CEMIP2: variants seen among roughly 807,000 people sequenced by gnomAD.
CEMIP2 encodes cell surface hyaluronidase CEMIP2.
In CEMIP2, 79 loss-of-function variants were observed where a neutral mutation model predicts 146.9. The ratio of observed to expected loss-of-function variants is 0.54; its 90% CI spans 0.45 to 0.65. The LOEUF is 0.65. Ranked by LOEUF, CEMIP2 falls within the 30% of genes least tolerant of loss-of-function variation. The pLI is 0.00. For missense variants in CEMIP2, 1,596 were observed against 1,696.2 expected (o/e 0.94, Z 1.04); for synonymous variants, 601 against 606.3 (o/e 0.99, Z 0.13).
intron 21 of CEMIP2, among the ~76,000 whole-genome samples, chr9:71,692,659 A>G (rs1174188959): frequency 1.3e-5 from 2 of 152,164 alleles, no homozygotes; most frequent in African/African-American, 4.8e-5. Context: ...CTGTAATCCC[A>G]GCACTTTGGA....
chr9:71,685,395 T>TAAAAAAAAAAAAAAAAAA lies in CEMIP2; in HGVS notation c.3956-20_3956-3dup. ...TGAATCCCAAAAATATGGTACTCCC[T>TAAAAAAAAAAAAAAAAAA]AAAAAAAAAAAAAAAAAAGAAAAAG... On this transcript the variant is annotated splice_region_variant and splice_polypyrimidine_tract_variant and intron_variant, in intron 23 of 23. Transcript: ENST00000377044. The TAAAAAAAAAAAAAAAAAA allele has an allele frequency of 8.5e-7, 1 of 1,177,082 alleles. No homozygotes were observed. The allele number at this position is 1,177,082 out of a possible 1,614,324, so 72.9% of individuals were successfully genotyped here. A position where few individuals can be genotyped will look rare whatever the true frequency, so the allele number is the denominator to read the frequency against.
chr9:71,696,584 G>A (rs1268623610), intron 20 of CEMIP2, among the ~76,000 whole-genome samples: 2 of 151,834 alleles, frequency 1.3e-5, no homozygotes, highest in Non-Finnish European at 2.9e-5. Context: ...TGGCCTGGGC[G>A]ATATGGCAAA....
intron 20 of CEMIP2, among the ~76,000 whole-genome samples, chr9:71,695,121 C>G (rs1223806293): frequency 6.6e-6 from 1 of 152,112 alleles, no homozygotes; most frequent in African/African-American, 2.4e-5. Flanking sequence ...CTATTTTTCC[C>G]TGTGCTGTTA....
In CEMIP2 at chr9:71,685,108, T is replaced by C; in HGVS notation, c.*89A>G. The C allele has an allele frequency of 1.5e-6, 2 of 1,293,682 alleles. No homozygotes were observed. The highest frequency in any genetic ancestry group is 1.0e-6 in the Non-Finnish European group (1 of 959,500). The allele number at this position is 1,293,682 out of a possible 1,614,324, so 80.1% of individuals were successfully genotyped here. A position where few individuals can be genotyped will look rare whatever the true frequency, so the allele number is the denominator to read the frequency against. On this transcript the variant is annotated 3_prime_UTR_variant, in exon 24 of 24. Coordinates refer to ENST00000377044, the MANE Select transcript of CEMIP2 (RefSeq NM_013390.3). ...TGTATCAAACTGGAAAATGGTTCCG[T>C]TGGGTTAACAGTGTCATTTTAAAAT...
At chr9:71,756,548 GAGAA>G (rs907329290) in intron 1 of CEMIP2, among the ~76,000 whole-genome samples, 21 of 149,302 alleles carry the variant, frequency 1.4e-4, no homozygotes, top group African/African-American at 5.2e-4. Flanking sequence ...ACACACACAA[GAGAA>G]AGAGAGACAG....
intron 17 of CEMIP2, among the ~76,000 whole-genome samples, chr9:71,708,723 T>C (rs1488451073): frequency 6.6e-6 from 1 of 152,196 alleles, no homozygotes; most frequent in East Asian, 1.9e-4. Flanking sequence ...TTCATAGACA[T>C]TATATCATAA....
At chr9:71,718,194 A>G in intron 12 of CEMIP2, 115 bp from the exon 13 acceptor site, 1 of 988,518 alleles carries the variant, frequency 1.0e-6, no homozygotes, top group Admixed American at 2.8e-5. Flanking sequence ...CAAATGAAAA[A>G]TTCTTAAGAT....
At chr9:71,739,420 G>C (rs1589156896) in intron 5 of CEMIP2, among the ~76,000 whole-genome samples, 1 of 132,872 alleles carries the variant, frequency 7.5e-6, no homozygotes, top group East Asian at 2.0e-4. Context: ...AGTGGTACTG[G>C]AGACAGGACC....
At chr9:71,703,158 G>C (rs537950266) in intron 18 of CEMIP2, among the ~76,000 whole-genome samples, 2 of 152,188 alleles carry the variant, frequency 1.3e-5, no homozygotes, top group African/African-American at 4.8e-5. Flanking sequence ...GCAAGAGATG[G>C]TGAGGGCTTG....
At chr9:71,724,105 G>C (rs1182461879) in intron 11 of CEMIP2, among the ~76,000 whole-genome samples, 1 of 152,088 alleles carries the variant, frequency 6.6e-6, no homozygotes, top group Non-Finnish European at 1.5e-5. Flanking sequence ...GACCAGCCTG[G>C]CCAAAATGGT....
intron 1 of CEMIP2, among the ~76,000 whole-genome samples, chr9:71,754,757 A>G (rs1250584649): frequency 6.6e-6 from 1 of 152,226 alleles, no homozygotes; most frequent in Non-Finnish European, 1.5e-5. Flanking sequence ...GTAGTAGCCC[A>G]AAAGGCTTGG....
intron 15 of CEMIP2, among the ~76,000 whole-genome samples, chr9:71,713,450 A>G (rs1457838436): frequency 6.6e-6 from 1 of 152,144 alleles, no homozygotes; most frequent in Non-Finnish European, 1.5e-5. Context: ...TAAATTGCCC[A>G]GTCTCAGGTA....
intron 1 of CEMIP2, among the ~76,000 whole-genome samples, chr9:71,762,805 G>A (rs1019380081): frequency 2.0e-5 from 3 of 152,128 alleles, no homozygotes; most frequent in East Asian, 3.9e-4. Flanking sequence ...GAGGCCAGGA[G>A]TTCAAGACCA....
At chr9:71,719,971 G>A (rs1352665392) in intron 12 of CEMIP2, among the ~76,000 whole-genome samples, 1 of 151,904 alleles carries the variant, frequency 6.6e-6, no homozygotes, top group Non-Finnish European at 1.5e-5. Context: ...GGCATGTACA[G>A]GGAGAAAAAA....
At chr9:71,693,199 T>TA (rs1822284704) in intron 21 of CEMIP2, among the ~76,000 whole-genome samples, 1 of 152,156 alleles carries the variant, frequency 6.6e-6, no homozygotes, top group African/African-American at 2.4e-5. Flanking sequence ...TGCCCACCAC[T>TA]AAAAAAACCA....
intron 4 of CEMIP2, among the ~76,000 whole-genome samples, chr9:71,741,724 C>T (rs567298842): frequency 1.4e-5 from 2 of 147,570 alleles, no homozygotes; most frequent in South Asian, 4.4e-4. Context: ...CCACAACCTC[C>T]ACCTCTGGGG....
chr9:71,710,283 C>A (rs189968838), intron 16 of CEMIP2, among the ~76,000 whole-genome samples: 2 of 152,124 alleles, frequency 1.3e-5, no homozygotes, highest in Non-Finnish European at 2.9e-5. Flanking sequence ...ATAATACCAA[C>A]GCTATTGAAG....
chr9:71,712,715 A>G lies in CEMIP2; in HGVS notation c.2592-455T>C, dbSNP rs184873649. On this transcript the variant is annotated intron_variant, in intron 15 of 23. Transcript: ENST00000377044. ...CTCTCAAGCCACTAAATGATGGTAC[A>G]AAGGTGAAATGATACATTTAAAAGT... is the stretch of plus-strand genomic sequence containing the variant. Among the ~76,000 whole-genome samples, 9 of 152,334 alleles carry G rather than the reference A, an allele frequency of 5.9e-5. No individual in the cohort carries two copies. The East Asian group carries it at 1.7e-3, about 29-fold the overall frequency.
intron 1 of CEMIP2, among the ~76,000 whole-genome samples, chr9:71,756,224 ATAT>A (rs1221531675): frequency 5.1e-3 from 548 of 106,622 alleles, no homozygotes; most frequent in Middle Eastern, 9.7e-3. Context: ...GGCTATATAT[ATAT>A]GTATATAGGT....
Sources: allele counts gnomAD v4.1 joint callset (sites outside exome capture counted in the v4.1 genomes callset), GRCh38; gene constraint gnomAD v4.1.1; transcripts MANE v1.5; gene names NCBI Gene and HGNC (gene_info 2026-07-23, HGNC 2026-07-21).